Variants in HCN1 observed in about 807,000 individuals in gnomAD.
HCN1 encodes potassium/sodium hyperpolarization-activated cyclic nucleotide-gated channel 1.
In HCN1, 13 loss-of-function variants were observed where a neutral mutation model predicts 78.9. That is an observed-to-expected ratio of 0.16 (90% confidence interval 0.11 to 0.26). HCN1 has a LOEUF of 0.26. HCN1 is among the 10% of genes least tolerant of loss of function. The pLI is 1.00. For missense variants in HCN1, 810 were observed against 1,154.3 expected, an observed-to-expected ratio of 0.70 and a Z score of 4.32; for synonymous variants, 552 against 455.5, an observed-to-expected ratio of 1.21 and a Z score of -2.70.
At chr5:45,679,686 A>T (rs1432860262) in intron 1 of HCN1, among the ~76,000 whole-genome samples, 1 of 152,116 alleles carries the variant, frequency 6.6e-6, no homozygotes, top group African/African-American at 2.4e-5. Context: ...TTTAATTGAT[A>T]AAAAATTGTA....
chr5:45,274,793 C>G (rs969565615), intron 6 of HCN1, among the ~76,000 whole-genome samples: 4 of 152,158 alleles, frequency 2.6e-5, no homozygotes, highest in Non-Finnish European at 5.9e-5. Flanking sequence ...CACTAATACT[C>G]TTTCTTAATT....
Position 45,333,467 on chromosome 5 carries a change from C to T in HCN1, c.1377+19633G>A, listed in dbSNP as rs549109730. On this transcript the variant is annotated intron_variant, in intron 5 of 7. Coordinates refer to ENST00000303230, the MANE Select transcript of HCN1 (RefSeq NM_021072.4). The stretch of plus-strand genomic sequence containing the variant: ...CTTTTTACTTTGTTGTTTCTTTTAA[C>T]GTCCAGAAGCTTTTTAACTTGATGT... 3.3e-5 allele frequency among the ~76,000 whole-genome samples: 5 copies of T among 151,314 alleles called. No individual in the cohort carries two copies. In the South Asian group the frequency reaches 6.3e-4, roughly 19 times the overall value.
chr5:45,616,542 AT>A (rs1744957931), intron 2 of HCN1, among the ~76,000 whole-genome samples: 1 of 151,988 alleles, frequency 6.6e-6, no homozygotes, highest in East Asian at 1.9e-4. Flanking sequence ...AGAAAATAAG[AT>A]TTTCTCAGCG....
chr5:45,372,436 C>CTTATATATAAAAATATATAAAACAT (rs1405066508), intron 4 of HCN1, among the ~76,000 whole-genome samples: 1 of 115,632 alleles, frequency 8.6e-6, no homozygotes, highest in East Asian at 2.4e-4. Flanking sequence ...ATAATATATA[C>CTTATATATAAAAATATATAAAACAT]TTATATATAA....
intron 2 of HCN1, among the ~76,000 whole-genome samples, chr5:45,629,229 C>G (rs954280394): frequency 6.6e-6 from 1 of 151,802 alleles, no homozygotes; most frequent in African/African-American, 2.4e-5. Context: ...TGGAGAAAGG[C>G]AAAATCATTG....
chr5:45,364,504 T>A lies in HCN1; in HGVS notation c.1231-11258A>T, dbSNP rs142232756. Among the ~76,000 whole-genome samples, 356 of 152,204 alleles carry A rather than the reference T, an allele frequency of 2.3e-3. 2 individuals are homozygous for A. Among genetic ancestry groups the A allele is most frequent in the South Asian group, 5.4e-3 (26 of 4,828 alleles). On this transcript the variant is annotated intron_variant, in intron 4 of 7. Transcript: ENST00000303230. ...TAAGCCTGTCTTCCCTTTAAACATCTACCCTTACAACATGTTTCATGAGCA... is the reference window on the plus strand; with the variant it reads ...TAAGCCTGTCTTCCCTTTAAACATCAACCCTTACAACATGTTTCATGAGCA...
At chr5:45,571,278 G>A (rs1376815861) in intron 2 of HCN1, among the ~76,000 whole-genome samples, 2 of 152,040 alleles carry the variant, frequency 1.3e-5, no homozygotes, top group African/African-American at 4.8e-5. Context: ...CATTCCCCCT[G>A]ACAATTATTG....
At chr5:45,406,890 T>C (rs1204348221) in intron 3 of HCN1, among the ~76,000 whole-genome samples, 3 of 152,214 alleles carry the variant, frequency 2.0e-5, no homozygotes, top group Admixed American at 2.0e-4. Flanking sequence ...AATTGTACTT[T>C]AGTTTTATAC....
chr5:45,541,031 T>C (rs937821164), intron 2 of HCN1, among the ~76,000 whole-genome samples: 3 of 152,088 alleles, frequency 2.0e-5, no homozygotes, highest in Admixed American at 2.0e-4. Context: ...ACTTATTTAG[T>C]GCTCACCACA....
intron 2 of HCN1, among the ~76,000 whole-genome samples, chr5:45,504,639 G>C (rs1446546876): frequency 1.3e-5 from 2 of 152,062 alleles, no homozygotes; most frequent in Non-Finnish European, 2.9e-5. Context: ...TGGGTCAAAT[G>C]GTATTTCTAG....
At chr5:45,378,387 G>C (rs897432600) in intron 4 of HCN1, among the ~76,000 whole-genome samples, 1 of 152,012 alleles carries the variant, frequency 6.6e-6, no homozygotes, top group Non-Finnish European at 1.5e-5. Context: ...GAGGCATTTA[G>C]AAAATGTGTC....
chr5:45,610,840 A>G (rs889224759), intron 2 of HCN1, among the ~76,000 whole-genome samples: 2 of 151,934 alleles, frequency 1.3e-5, no homozygotes, highest in African/African-American at 4.8e-5. Flanking sequence ...AACAATTACT[A>G]TGAAATTTAG....
At chr5:45,453,072 A>T (rs183182559) in intron 3 of HCN1, among the ~76,000 whole-genome samples, 1 of 152,110 alleles carries the variant, frequency 6.6e-6, no homozygotes, top group Admixed American at 6.5e-5. Context: ...GCCTTTCATT[A>T]TGGGAAGCAA....
At chr5:45,362,458 T>C (rs1236910238) in intron 4 of HCN1, among the ~76,000 whole-genome samples, 1 of 152,118 alleles carries the variant, frequency 6.6e-6, no homozygotes, top group Non-Finnish European at 1.5e-5. Context: ...TTTTTTCTCC[T>C]TCTGTCTTTA....
chr5:45,326,442 A>C (rs1460346189), intron 5 of HCN1, among the ~76,000 whole-genome samples: 1 of 151,594 alleles, frequency 6.6e-6, no homozygotes, highest in Non-Finnish European at 1.5e-5. Context: ...CATTCTTTTT[A>C]GTGGCCACAA....
At chr5:45,377,983 A>G (rs1367985500) in intron 4 of HCN1, among the ~76,000 whole-genome samples, 1 of 152,038 alleles carries the variant, frequency 6.6e-6, no homozygotes, top group African/African-American at 2.4e-5. Context: ...TTAATGAATT[A>G]TGTGTATAAA....
At position 45,445,548 on chromosome 5, in the gene HCN1, T is replaced by C. The variant is rs368879968; in HGVS notation, c.1011+16298A>G. On this transcript the variant is annotated intron_variant, in intron 3 of 7. Transcript: ENST00000303230. ...GAAGAGAGCAGTGGTTCTCCCAGCATGCAGCTGGAGATCTGAGAATGGGCA... is the reference window on the plus strand; with the variant it reads ...GAAGAGAGCAGTGGTTCTCCCAGCACGCAGCTGGAGATCTGAGAATGGGCA... Among the ~76,000 whole-genome samples the C allele has an allele frequency of 2.6e-5, 4 of 152,230 alleles. No individual in the cohort carries two copies. The East Asian group carries it at 5.8e-4, about 22-fold the overall frequency.
chr5:45,275,007 A>G (rs1173621166), intron 6 of HCN1, among the ~76,000 whole-genome samples: 3 of 152,198 alleles, frequency 2.0e-5, no homozygotes, highest in Non-Finnish European at 4.4e-5. Flanking sequence ...GAATGTTGGG[A>G]GGCCGAGGGG....
rs140580617 is a variant in HCN1 at position 45,600,915 on chromosome 5, G to A, written c.849+44270C>T. Among the ~76,000 whole-genome samples, 400 of 152,204 alleles carry A rather than the reference G, an allele frequency of 2.6e-3. 3 individuals are homozygous for A. Among genetic ancestry groups the A allele is most frequent in the Non-Finnish European group, 4.4e-3 (300 of 68,006 alleles). On this transcript the variant is annotated intron_variant, in intron 2 of 7. Transcript: ENST00000303230. ...TTAAATAGCAAAAACTGTTGTCTGTGAAGAAAAACAGTCAGAAGTTGGGTG... is the reference window on the plus strand; with the variant it reads ...TTAAATAGCAAAAACTGTTGTCTGTAAAGAAAAACAGTCAGAAGTTGGGTG...
Sources: gnomAD v4.1 joint callset for allele counts (sites outside exome capture counted in the v4.1 genomes callset) on GRCh38, gnomAD v4.1.1 for gene constraint, MANE v1.5 for transcripts, NCBI Gene and HGNC (gene_info 2026-07-23, HGNC 2026-07-21) for gene names.